The following LMF1 variants were observed in gnomAD, a reference collection of about 807,000 sequenced individuals.
The protein encoded by LMF1 is lipase maturation factor 1, also known as transmembrane protein 112.
In LMF1, 68 loss-of-function variants were observed where a neutral mutation model predicts 60.6. The observed-to-expected ratio is 1.12, with a 90% CI of 0.92 to 1.37. The LOEUF is 1.37. Among genes scored for constraint, LMF1 ranks in the 40% most tolerant of loss-of-function variants. The probability of loss-of-function intolerance (pLI) is 0.00; values close to 1 mark genes in which losing one functional copy is unlikely to be tolerated. For missense variants in LMF1, 948 were observed against 767.2 expected, an observed-to-expected ratio of 1.24 and a Z score of -2.78; for synonymous variants, 418 against 324.7, an observed-to-expected ratio of 1.29 and a Z score of -3.09.
intron 4 of LMF1, among the ~76,000 whole-genome samples, chr16:909,289 G>A (rs1467133066): frequency 6.6e-6 from 1 of 152,120 alleles, no homozygotes; most frequent in African/African-American, 2.4e-5. Flanking sequence ...GCCACAGGGG[G>A]ACAGAGCCCC....
chr16:891,255 C>G (rs1399305952), intron 5 of LMF1, among the ~76,000 whole-genome samples: 1 of 152,234 alleles, frequency 6.6e-6, no homozygotes, highest in Non-Finnish European at 1.5e-5. Flanking sequence ...ACACCACACC[C>G]TGGTGGTCCT....
intron 4 of LMF1, chr16:901,683 G>C (rs527900919): frequency 1.3e-5 from 2 of 152,182 alleles, no homozygotes; most frequent in Non-Finnish European, 2.9e-5. Flanking sequence ...CCGTCTGTGC[G>C]TGCAGCCCCG....
rs1383870802 is a variant in LMF1, at chr16:869,132, G to A, written c.1417-76C>T. 3 of 953,226 alleles carry A rather than the reference G, an allele frequency of 3.1e-6. No homozygotes were observed. The East Asian group carries it at 7.2e-5, about 23-fold the overall frequency. 59.0% of individuals were successfully genotyped at this position (953,226 alleles called of 1,614,324 possible). A position where few individuals can be genotyped will look rare whatever the true frequency, so the allele number is the denominator to read the frequency against. On this transcript the variant is annotated intron_variant, in intron 9 of 10. Coordinates refer to ENST00000262301, the MANE Select transcript of LMF1 (RefSeq NM_022773.4). ...ACAGCCCCTCCGGACGCTCGGCTGT[G>A]CCCTCCACTCCCTCCTGAGGCTTTC...
chr16:898,888 T>G (rs947121989), intron 4 of LMF1: 3 of 152,250 alleles, frequency 2.0e-5, no homozygotes, highest in Non-Finnish European at 2.9e-5. Context: ...CGACGTGCAC[T>G]TCAATAGAAA....
intron 1 of LMF1, among the ~76,000 whole-genome samples, chr16:965,997 A>C (rs2151491813): frequency 6.6e-6 from 1 of 152,316 alleles, no homozygotes; most frequent in Non-Finnish European, 1.5e-5. Context: ...GGACAATATC[A>C]GCCGCAAAGG....
At chr16:963,323 G>A (rs916984738) in intron 1 of LMF1, among the ~76,000 whole-genome samples, 2 of 152,118 alleles carry the variant, frequency 1.3e-5, no homozygotes, top group Admixed American at 1.3e-4. Flanking sequence ...CACGTGCAGG[G>A]ACCGCACCAG....
intron 10 of LMF1, among the ~76,000 whole-genome samples, chr16:861,756 G>C (rs1596840527): frequency 6.6e-6 from 1 of 152,214 alleles, no homozygotes; most frequent in African/African-American, 2.4e-5. Flanking sequence ...CTTCCTTTGT[G>C]ATCGACACGC....
At chr16:914,972 A>G (rs577628892) in intron 3 of LMF1, among the ~76,000 whole-genome samples, 58 of 152,340 alleles carry the variant, frequency 3.8e-4, no homozygotes, top group Non-Finnish European at 6.0e-4. Flanking sequence ...TCAGCCCTAA[A>G]TCGGCGTCTC....
At chr16:979,620 A>G (rs753929680) in intron 1 of LMF1, 3 of 453,852 alleles carry the variant, frequency 6.6e-6, no homozygotes, top group Non-Finnish European at 8.8e-6. Context: ...AGGGACTTGA[A>G]GCTTCCTTGG....
At chr16:931,878 T>A in intron 3 of LMF1, 1 of 1,148,912 alleles carries the variant, frequency 8.7e-7, no homozygotes, top group Admixed American at 2.4e-5. Context: ...AACAATTCGC[T>A]TCTGAGTCCC....
Position 859,901 on chromosome 16 carries a change from G to A in LMF1, c.1530-5195C>T, listed in dbSNP as rs1287787740. ...ATGGGTGTGAGTGGTGTCTCGGGAT[G>A]GGTGTGCAGTGGTGTCACGGGATCG... is the stretch of plus-strand genomic sequence containing the variant. On this transcript the variant is annotated intron_variant, in intron 10 of 10. Transcript: ENST00000262301. 9.9e-5 allele frequency among the ~76,000 whole-genome samples: 14 copies of A among 141,612 alleles called. 1 individual carries two copies. Among genetic ancestry groups the A allele is most frequent in the African/African-American group, 4.0e-4 (13 of 32,438 alleles). 92.9% of individuals were successfully genotyped at this position (141,612 alleles called of 152,430 possible).
chr16:913,990 A>G (rs566798329), intron 3 of LMF1, among the ~76,000 whole-genome samples: 2 of 152,332 alleles, frequency 1.3e-5, no homozygotes, highest in South Asian at 4.1e-4. Context: ...CGAATGCCAC[A>G]TGGCGCCTCT....
chr16:864,320 T>TG, intron 10 of LMF1, among the ~76,000 whole-genome samples: 1 of 152,244 alleles, frequency 6.6e-6, no homozygotes. Flanking sequence ...GGTCCCTAAC[T>TG]TATGAGAGTT....
chr16:864,378 G>C (rs1198348989), intron 10 of LMF1, among the ~76,000 whole-genome samples: 1 of 152,170 alleles, frequency 6.6e-6, no homozygotes, highest in East Asian at 1.9e-4. Context: ...ATACGCACTC[G>C]GTAGGAACCG....
chr16:925,284 T>C (rs542106874), intron 3 of LMF1, among the ~76,000 whole-genome samples: 3 of 152,350 alleles, frequency 2.0e-5, no homozygotes, highest in East Asian at 3.9e-4. Context: ...GAAGTATGAA[T>C]CACAGCAACA....
chr16:962,201 C>T lies in LMF1; in HGVS notation c.194-7535G>A, dbSNP rs531743867. On this transcript the variant is annotated intron_variant, in intron 1 of 10. Coordinates refer to ENST00000262301, the MANE Select transcript of LMF1 (RefSeq NM_022773.4). This position sits in a 1 kb window ranked among gnomAD's most constrained non-coding sequence, Gnocchi z 4.5. ...CACGGTGACAGCACGGGATCACGACCCAGACACAGACTCACGGTGACAGCA... is the reference window on the plus strand; with the variant it reads ...CACGGTGACAGCACGGGATCACGACTCAGACACAGACTCACGGTGACAGCA... 3.2e-3 allele frequency among the ~76,000 whole-genome samples: 384 copies of T among 118,612 alleles called. 2 individuals carry two copies. The Middle Eastern group carries it at 0.039, about 12-fold the overall frequency. The allele number at this position is 118,612 out of a possible 152,430, so 77.8% of individuals were successfully genotyped here.
At chr16:855,921 C>T (rs953472031) in intron 10 of LMF1, 31 of 455,858 alleles carry the variant, frequency 6.8e-5, no homozygotes, top group East Asian at 2.8e-4. Context: ...TGGGTCCACC[C>T]GGCTCCTCCT....
intron 10 of LMF1, among the ~76,000 whole-genome samples, chr16:867,518 G>A (rs1272726214): frequency 6.6e-6 from 1 of 152,176 alleles, no homozygotes; most frequent in Non-Finnish European, 1.5e-5. Flanking sequence ...ATTGAGCCTC[G>A]AAGGACGAGC....
At chr16:877,625 T>C (rs1468105992) in intron 6 of LMF1, among the ~76,000 whole-genome samples, 1 of 151,596 alleles carries the variant, frequency 6.6e-6, no homozygotes, top group Non-Finnish European at 1.5e-5. Flanking sequence ...AAAGGAGAAG[T>C]GAATAAAAGC....
Sources: gnomAD v4.1 joint callset for allele counts (sites outside exome capture counted in the v4.1 genomes callset) on GRCh38, gnomAD v4.1.1 for gene constraint, Gnocchi (gnomAD v3.1) non-coding constraint, MANE v1.5 for transcripts, NCBI Gene and HGNC (gene_info 2026-07-23, HGNC 2026-07-21) for gene names.